CIAO3: variants seen among roughly 807,000 people sequenced by gnomAD.
CIAO3 encodes the protein LET1 like/JFP15.
In CIAO3, 45 loss-of-function variants were observed where a neutral mutation model predicts 51.5. The observed-to-expected ratio is 0.87, with a 90% confidence interval of 0.69 to 1.12. CIAO3 has a LOEUF of 1.12. Among genes scored for constraint, CIAO3 ranks in the 50% most tolerant of loss-of-function variants. The probability of loss-of-function intolerance (pLI) is 0.00; values close to 1 mark genes in which losing one functional copy is unlikely to be tolerated. For synonymous variants in CIAO3, 314 were observed against 269.3 expected (o/e 1.17, Z -1.63); for missense variants, 668 against 632.5 (o/e 1.06, Z -0.60).
intron 2 of CIAO3, among the ~76,000 whole-genome samples, chr16:739,159 C>T (rs752039349): frequency 4.1e-4 from 62 of 151,578 alleles, no homozygotes; most frequent in Admixed American, 2.8e-3. Flanking sequence ...ATTAGCTGGG[C>T]GTGGTGGTGG....
intron 5 of CIAO3, 25 bp from the exon 6 acceptor site, chr16:734,372 G>A: frequency 6.5e-7 from 1 of 1,547,452 alleles, no homozygotes; most frequent in Non-Finnish European, 8.8e-7. Context: ...GGCACACGGG[G>A]CTGGCGGGGG....
In CIAO3 at chr16:730,666, G is replaced by A. The variant is rs747005599; in HGVS notation, c.1193-11C>T. On this transcript the variant is annotated splice_polypyrimidine_tract_variant and intron_variant, in intron 10 of 10. Transcript: ENST00000251588. ...CGCCGTTCAGGCAGCCTATGGGAGA[G>A]CAGACGGGACAGGGGTCACAGCCTG... 2.6e-5 allele frequency: 41 copies of A among 1,606,150 alleles called. 1 individual carries two copies. The highest frequency in any genetic ancestry group is 8.3e-5 in the Admixed American group (5 of 59,958).
At chr16:733,558 A>T in intron 6 of CIAO3, 131 bp from the exon 7 acceptor site, 1 of 1,394,358 alleles carries the variant, frequency 7.2e-7, no homozygotes, top group South Asian at 1.3e-5. Flanking sequence ...TTTCCCAGCA[A>T]GCCTCCTGCC....
Position 733,979 on chromosome 16 carries a change from G to C in CIAO3, c.693+250C>G, listed in dbSNP as rs148214748. ...TGGGCTCCAGGCCCGGACTGCCCAG[G>C]GCCTCCTGCTCCCTCAGCCTCAGGC... On this transcript the variant is annotated intron_variant, in intron 6 of 10. Transcript: ENST00000251588. 68 of 501,280 alleles carry C rather than the reference G, an allele frequency of 1.4e-4. No homozygotes were observed. The East Asian group carries it at 2.4e-3, about 18-fold the overall frequency. The allele number at this position is 501,280 out of a possible 1,614,324, so 31.1% of individuals were successfully genotyped here. A position where few individuals can be genotyped will look rare whatever the true frequency, so the allele number is the denominator to read the frequency against.
At chr16:731,982 C>T in intron 8 of CIAO3, 1 of 527,146 alleles carries the variant, frequency 1.9e-6, no homozygotes. Context: ...AATTCTCATG[C>T]CTCAACCTCC....
Position 737,407 on chromosome 16 carries a change from T to TC in CIAO3, c.163-79dup, listed in dbSNP as rs1490254089. The TC allele has an allele frequency of 1.9e-6, 3 of 1,596,644 alleles. No individual in the cohort carries two copies. Among genetic ancestry groups the TC allele is most frequent in the Non-Finnish European group, 2.6e-6 (3 of 1,169,546 alleles). The stretch of plus-strand genomic sequence containing the variant: ...GAGACAGAGGATAGTGGAGTCCAGC[T>TC]CATAACCGACAACCAACATGGCTGC... On this transcript the variant is annotated intron_variant, in intron 2 of 10. Coordinates refer to ENST00000251588, the MANE Select transcript of CIAO3 (RefSeq NM_022493.3). The surrounding 1 kb of genome is among the most constrained non-coding windows in gnomAD (Gnocchi z 5.3).
intron 10 of CIAO3, 22 bp from the exon 11 acceptor site, chr16:730,677 A>G (rs774728897): frequency 1.9e-6 from 3 of 1,602,118 alleles, no homozygotes; most frequent in South Asian, 1.1e-5. Context: ...CAGACGGGAC[A>G]GGGGTCACAG....
At chr16:739,824 C>T (rs2041373989) in intron 1 of CIAO3, 86 bp from the exon 2 acceptor site, 10 of 1,414,034 alleles carry the variant, frequency 7.1e-6, no homozygotes, top group South Asian at 2.5e-5. Context: ...GCTGCCCAGC[C>T]GCACAGCCTG....
Position 740,960 on chromosome 16 carries a change from A to T in CIAO3, c.26T>A (p.Leu9Gln). 1 of 1,517,962 alleles carries T rather than the reference A, an allele frequency of 6.6e-7. No homozygotes were observed. The highest frequency in any genetic ancestry group is 8.8e-7 in the Non-Finnish European group (1 of 1,136,666). 94.0% of individuals were successfully genotyped at this position (1,517,962 alleles called of 1,614,324 possible). A position where few individuals can be genotyped will look rare whatever the true frequency, so the allele number is the denominator to read the frequency against. ...GAAGTCATCCAGGTCCGTCAGCTGC[A>T]GCGCCCCGCTGAAGGGCGACGCCAT... MASPFSGA[L>Q]QLTDLDDFIG... is the part of the protein sequence containing the mutation. The change falls in exon 1 of 11, where the codon CTG becomes CAG. Residue 9 changes from leucine (L) to glutamine (Q), a missense_variant. Physicochemically the swap from Leu to Gln is moderately radical, Grantham distance 113. Coordinates refer to ENST00000251588, the MANE Select transcript of CIAO3 (RefSeq NM_022493.3).
intron 8 of CIAO3, chr16:732,024 A>C: frequency 1.9e-6 from 1 of 528,290 alleles, no homozygotes. Context: ...CCTGGCATGG[A>C]TTACCACCAT....
At position 731,812 on chromosome 16, in the gene CIAO3, A is replaced by C. The variant is rs2041286570; in HGVS notation, c.897-110T>G. 8.8e-6 allele frequency: 12 copies of C among 1,363,480 alleles called. No homozygotes were observed. In the South Asian group the frequency reaches 1.7e-4, roughly 20 times the overall value. The allele number at this position is 1,363,480 out of a possible 1,614,324, so 84.5% of individuals were successfully genotyped here. On this transcript the variant is annotated intron_variant, in intron 8 of 10. Coordinates refer to ENST00000251588, the MANE Select transcript of CIAO3 (RefSeq NM_022493.3). ...CGTTTGCATTTCCAGGTGGGAGACA[A>C]GTCACAGACACAGAGGAACAGCTCC...
At chr16:738,194 G>A (rs542183908) in intron 2 of CIAO3, 6 of 996,542 alleles carry the variant, frequency 6.0e-6, no homozygotes, top group Admixed American at 5.3e-5. Flanking sequence ...CGACAGCCAC[G>A]CCTACCAGCA....
In CIAO3 at chr16:737,775, C is replaced by A. The variant is rs2151603879; in HGVS notation, c.163-446G>T. ...GGAAGAGGAGAGCAGAGGGAGGAAG[C>A]CTGGGAGCCTGGCCTCCGGTGGGCG... On this transcript the variant is annotated intron_variant, in intron 2 of 10. Transcript: ENST00000251588. This position sits in a 1 kb window ranked among gnomAD's most constrained non-coding sequence, Gnocchi z 5.3. The A allele has an allele frequency of 8.2e-7, 1 of 1,218,364 alleles. No individual in the cohort carries two copies. Among genetic ancestry groups the A allele is most frequent in the East Asian group, 5.9e-5 (1 of 17,078 alleles). 75.5% of individuals were successfully genotyped at this position (1,218,364 alleles called of 1,614,324 possible). A position where few individuals can be genotyped will look rare whatever the true frequency, so the allele number is the denominator to read the frequency against.
At chr16:735,207 G>A (rs986316643) in intron 4 of CIAO3, 4 of 276,502 alleles carry the variant, frequency 1.4e-5, no homozygotes, top group Admixed American at 1.4e-4. Flanking sequence ...CGCTGCTCCC[G>A]GTGACCCTCC....
chr16:740,174 C>T (rs2041377408), intron 1 of CIAO3: 2 of 1,228,572 alleles, frequency 1.6e-6, no homozygotes, highest in Non-Finnish European at 2.1e-6. Context: ...CTTGAGAACC[C>T]TGGCAGCCCA....
Position 731,715 on chromosome 16 carries a change from G to A in CIAO3, c.897-13C>T. The A allele has an allele frequency of 6.5e-7, 1 of 1,544,418 alleles. No homozygotes were observed. The highest frequency in any genetic ancestry group is 8.7e-7 in the Non-Finnish European group (1 of 1,147,886). On this transcript the variant is annotated splice_polypyrimidine_tract_variant and intron_variant, in intron 8 of 10. Coordinates refer to ENST00000251588, the MANE Select transcript of CIAO3 (RefSeq NM_022493.3). ...GGCACCGCTGCACCTGGCAAGGAGG[G>A]AGGGGCCTCAGCACAGCTGGGGCTG...
rs1167451177 is a variant in CIAO3 at position 734,310 on chromosome 16, G to A, written c.612C>T (p.Phe204=). 1 of 1,611,674 alleles carries A rather than the reference G, an allele frequency of 6.2e-7. No individual in the cohort carries two copies. Among genetic ancestry groups the A allele is most frequent in the Non-Finnish European group, 8.5e-7 (1 of 1,179,890 alleles). Residue 204 remains phenylalanine (F), a synonymous_variant, in exon 6 of 11, where the codon TTC becomes TTT. Coordinates refer to ENST00000251588, the MANE Select transcript of CIAO3 (RefSeq NM_022493.3). ...GGGCGGTGCTGATGTGGGGGAGGAT[G>A]AAGCTGCCGTGAGTCTTCTCGGCAT... is the stretch of plus-strand genomic sequence containing the variant. ...ICYAEKTHGS[F]ILPHISTARS... is the part of the protein sequence containing the mutation.
intron 7 of CIAO3, 168 bp from the exon 8 acceptor site, chr16:732,541 C>T (rs1035758505): frequency 1.0e-5 from 8 of 763,130 alleles, no homozygotes; most frequent in African/African-American, 1.7e-5. Context: ...CTCCTGAAGC[C>T]CCTCTGGAGG....
chr16:733,636 C>T lies in CIAO3; in HGVS notation c.694-209G>A, dbSNP rs992959602. On this transcript the variant is annotated intron_variant, in intron 6 of 10. Transcript: ENST00000251588. ...GACAGAAAATGACACTGACCCATTC[C>T]CAGTGTGCCTGCGCTCCCTAACAGC... is the stretch of plus-strand genomic sequence containing the variant. 12 of 664,612 alleles carry T rather than the reference C, an allele frequency of 1.8e-5. 1 individual carries two copies. Among genetic ancestry groups the T allele is most frequent in the Non-Finnish European group, 2.7e-5 (11 of 406,228 alleles). 41.2% of individuals were successfully genotyped at this position (664,612 alleles called of 1,614,324 possible). A position where few individuals can be genotyped will look rare whatever the true frequency, so the allele number is the denominator to read the frequency against.
Sources: gnomAD v4.1 joint callset for allele counts (sites outside exome capture counted in the v4.1 genomes callset) on GRCh38, gnomAD v4.1.1 for gene constraint, Gnocchi (gnomAD v3.1) non-coding constraint, MANE v1.5 for transcripts, NCBI Gene and HGNC (gene_info 2026-07-23, HGNC 2026-07-21) for gene names.